Variants in TLE3 observed in about 807,000 individuals in gnomAD.
The protein encoded by TLE3 is transducin-like enhancer protein 3.
A neutral mutation model predicts 93.0 loss-of-function variants in TLE3; 14 were observed. That is an observed-to-expected ratio of 0.15 (90% CI 0.10 to 0.24). The LOEUF (loss-of-function observed/expected upper bound fraction) is 0.24. Ranked by LOEUF, TLE3 falls within the 10% of genes least tolerant of loss-of-function variation. The pLI is 1.00. For missense variants in TLE3, 693 were observed against 1,046.6 expected (o/e 0.66, Z 4.66); for synonymous variants, 451 against 425.0 (o/e 1.06, Z -0.75).
At position 70,050,172 on chromosome 15, in the gene TLE3, G is replaced by A; in HGVS notation, c.2235C>T (p.Asp745=). The A allele has an allele frequency of 6.2e-7, 1 of 1,614,116 alleles. No individual in the cohort carries two copies. Among genetic ancestry groups the A allele is most frequent in the Non-Finnish European group, 8.5e-7 (1 of 1,179,944 alleles). ...SKESSSVLSC[D]ISADDKYIVT... The stretch of plus-strand genomic sequence containing the variant: ...CAATGTATTTGTCATCCGCTGAAAT[G>A]TCACAACTCAAGACAGACGAGGATT... The change falls in exon 20 of 20, where the codon GAC becomes GAT. Residue 745 remains aspartate, a synonymous_variant. Transcript: ENST00000451782.
intron 4 of TLE3, among the ~76,000 whole-genome samples, chr15:70,076,412 T>C (rs1354817621): frequency 6.6e-6 from 1 of 152,224 alleles, no homozygotes; most frequent in Non-Finnish European, 1.5e-5. Context: ...GTAGTCTACA[T>C]GTCTGGTTCA....
chr15:70,059,468 CAA>C lies in TLE3; in HGVS notation c.715-10_715-9del. 6.2e-7 allele frequency: 1 copy of C among 1,606,770 alleles called. No homozygotes were observed. Among genetic ancestry groups the C allele is most frequent in the Non-Finnish European group, 8.5e-7 (1 of 1,176,530 alleles). ...CTTGTCTCCATCACTGTCCTGCAAC[CAA>C]GAGAGAAGCCAACTGGTCAGTAAGA... On this transcript the variant is annotated splice_polypyrimidine_tract_variant and intron_variant, in intron 9 of 19. Transcript: ENST00000451782.
chr15:70,062,638 C>G (rs1016149745), intron 8 of TLE3, among the ~76,000 whole-genome samples: 13 of 152,176 alleles, frequency 8.5e-5, no homozygotes. Context: ...CAGACTAACC[C>G]CTCTGGGACA....
chr15:70,080,845 C>A (rs908717299), intron 4 of TLE3, among the ~76,000 whole-genome samples: 1 of 152,196 alleles, frequency 6.6e-6, no homozygotes, highest in Non-Finnish European at 1.5e-5. Context: ...ATCTGTACCC[C>A]CCAGCAACCT....
chr15:70,070,441 C>T (rs2141719380), intron 6 of TLE3, among the ~76,000 whole-genome samples: 1 of 152,314 alleles, frequency 6.6e-6, no homozygotes, highest in South Asian at 2.1e-4. Context: ...AGCCAAGACC[C>T]GCCAAGGGCT....
At chr15:70,078,995 A>C (rs1211777480) in intron 4 of TLE3, among the ~76,000 whole-genome samples, 1 of 152,130 alleles carries the variant, frequency 6.6e-6, no homozygotes, top group Non-Finnish European at 1.5e-5. Flanking sequence ...CACGTGGCCA[A>C]AGGCTTCCCA....
chr15:70,059,859 A>G (rs4777228), intron 9 of TLE3, among the ~76,000 whole-genome samples: 59,029 of 152,150 alleles, frequency 0.39, 12,444 homozygotes, highest in Middle Eastern at 0.62. Flanking sequence ...ATTCCCACCC[A>G]TCTGTGTGGG....
chr15:70,095,452 C>G (rs1419348356), intron 3 of TLE3, 126 bp downstream of exon 3: 4 of 1,541,942 alleles, frequency 2.6e-6, no homozygotes, highest in South Asian at 1.2e-5. Flanking sequence ...AGATTATGCC[C>G]TCTCTCAGGG....
chr15:70,076,278 C>T, intron 4 of TLE3, 120 bp from the exon 5 acceptor site: 1 of 863,044 alleles, frequency 1.2e-6, no homozygotes, highest in Non-Finnish European at 1.9e-6. Context: ...GGGCTCCATC[C>T]TTTCTGCCCT....
chr15:70,054,164 T>A, intron 16 of TLE3: 1 of 371,474 alleles, frequency 2.7e-6, no homozygotes, highest in South Asian at 4.9e-5. Flanking sequence ...ACTCTCTGCT[T>A]GCTCCACTAA....
At chr15:70,096,536 G>T in intron 1 of TLE3, 1 of 1,357,170 alleles carries the variant, frequency 7.4e-7, no homozygotes, top group Non-Finnish European at 1.0e-6. Context: ...ACTTCAGAGC[G>T]GGGCCGGGGA....
Position 70,060,519 on chromosome 15 carries a change from C to G in TLE3, c.714+11G>C. On this transcript the variant is annotated intron_variant, in intron 9 of 19. Transcript: ENST00000451782. ...AGAAACCCCAGTGGTGCCATGGCGCCTTGGACGTACGTATCGGCTCAAGCT... is the reference window on the plus strand; with the variant it reads ...AGAAACCCCAGTGGTGCCATGGCGCGTTGGACGTACGTATCGGCTCAAGCT... 2 of 1,613,624 alleles carry G rather than the reference C, an allele frequency of 1.2e-6. No individual in the cohort carries two copies. The highest frequency in any genetic ancestry group is 1.7e-6 in the Non-Finnish European group (2 of 1,179,742).
chr15:70,070,918 T>A (rs2057116548), intron 6 of TLE3, among the ~76,000 whole-genome samples: 1 of 151,838 alleles, frequency 6.6e-6, no homozygotes, highest in South Asian at 2.1e-4. Flanking sequence ...TCCCTCTTCC[T>A]CTCCTCCCTC....
intron 13 of TLE3, 40 bp from the exon 14 acceptor site, chr15:70,056,414 G>A: frequency 6.3e-7 from 1 of 1,582,374 alleles, no homozygotes; most frequent in Non-Finnish European, 8.6e-7. Context: ...CAGCCGTGCT[G>A]CCACACACCC....
Position 70,076,082 on chromosome 15 carries a change from AAAG to A in TLE3, c.297+11_297+13del, listed in dbSNP as rs749060425. Reference sequence around the variant, plus strand: ...TTGGAAAGAAAAGGAAGAAATAATAAAAGAAGGTCTTACCTCTTGTGACAGGAA... The same window carrying A: ...TTGGAAAGAAAAGGAAGAAATAATAAAAGGTCTTACCTCTTGTGACAGGAA... On this transcript the variant is annotated intron_variant, in intron 5 of 19. Coordinates refer to ENST00000451782, the MANE Select transcript of TLE3 (RefSeq NM_001105192.3). 3.7e-6 allele frequency: 6 copies of A among 1,613,088 alleles called. No homozygotes were observed. In the African/African-American group the frequency reaches 6.7e-5, roughly 18 times the overall value.
rs577123535 is a variant in TLE3 at position 70,087,085 on chromosome 15, A to G, written c.234+7447T>C. Among the ~76,000 whole-genome samples the G allele has an allele frequency of 5.3e-5, 8 of 152,322 alleles. No homozygotes were observed. In the South Asian group the frequency reaches 1.7e-3, roughly 32 times the overall value. On this transcript the variant is annotated intron_variant, in intron 4 of 19. Transcript: ENST00000451782. Reference sequence around the variant, plus strand: ...CATAACACTATTCAGGGTCAGAGAGAACCCTGAGCTGGAATATTACCTTCC... The same window carrying G: ...CATAACACTATTCAGGGTCAGAGAGGACCCTGAGCTGGAATATTACCTTCC...
At chr15:70,068,154 A>G (rs913830944) in intron 6 of TLE3, among the ~76,000 whole-genome samples, 2 of 152,262 alleles carry the variant, frequency 1.3e-5, no homozygotes, top group Non-Finnish European at 2.9e-5. Context: ...TTAAGAAAAT[A>G]CTAAAAATAA....
At position 70,093,910 on chromosome 15, in the gene TLE3, G is replaced by A. The variant is rs541566884; in HGVS notation, c.234+622C>T. On this transcript the variant is annotated intron_variant, in intron 4 of 19. Coordinates refer to ENST00000451782, the MANE Select transcript of TLE3 (RefSeq NM_001105192.3). ...CCTGGGCAAGTTACTTCACCCAGGA[G>A]CTTCAGCTTCCTTCTCTGTAAAATG... Among the ~76,000 whole-genome samples the A allele has an allele frequency of 1.2e-4, 18 of 152,360 alleles. No individual in the cohort carries two copies. The East Asian group carries it at 2.7e-3, about 23-fold the overall frequency.
rs961733583 is a variant in TLE3, at chr15:70,077,328, C to T, written c.235-1170G>A. 2.0e-5 allele frequency among the ~76,000 whole-genome samples: 3 copies of T among 152,156 alleles called. No homozygotes were observed. The South Asian group carries it at 6.2e-4, about 31-fold the overall frequency. On this transcript the variant is annotated intron_variant, in intron 4 of 19. Coordinates refer to ENST00000451782, the MANE Select transcript of TLE3 (RefSeq NM_001105192.3). ...CTTATCTCATTCTGAATCCTGAGCCCGCCAGGACTGAGGTCCCAAAGCTGG... is the reference window on the plus strand; with the variant it reads ...CTTATCTCATTCTGAATCCTGAGCCTGCCAGGACTGAGGTCCCAAAGCTGG...
Sources: allele counts gnomAD v4.1 joint callset (sites outside exome capture counted in the v4.1 genomes callset), GRCh38; gene constraint gnomAD v4.1.1; transcripts MANE v1.5; gene names NCBI Gene and HGNC (gene_info 2026-07-23, HGNC 2026-07-21).